ALS2: variants seen among roughly 807,000 people sequenced by gnomAD.
ALS2 encodes alsin.
In ALS2, 117 loss-of-function variants were observed where a neutral mutation model predicts 203.4. The observed-to-expected ratio is 0.58, with a 90% confidence interval of 0.50 to 0.67. The LOEUF (loss-of-function observed/expected upper bound fraction) is 0.67. Among genes scored for constraint, ALS2 ranks in the 30% least tolerant of loss-of-function variants. The probability of loss-of-function intolerance (pLI) is 0.00; values close to 1 mark genes in which losing one functional copy is unlikely to be tolerated. For synonymous variants in ALS2, 718 were observed against 725.9 expected (o/e 0.99, Z 0.17); for missense variants, 1,715 against 1,989.4 (o/e 0.86, Z 2.62).
intron 25 of ALS2, among the ~76,000 whole-genome samples, chr2:201,712,787 T>C (rs1260866015): frequency 6.6e-6 from 1 of 150,472 alleles, no homozygotes; most frequent in African/African-American, 2.4e-5. Context: ...AAAAAGAAAA[T>C]TTTAAAAAGG....
At chr2:201,739,609 G>A (rs759025287) in intron 11 of ALS2, among the ~76,000 whole-genome samples, 3 of 152,106 alleles carry the variant, frequency 2.0e-5, no homozygotes, top group Non-Finnish European at 4.4e-5. Context: ...TGGGCGCGGT[G>A]GCGGATGCCT....
chr2:201,770,120 G>A (rs186414770), intron 1 of ALS2, among the ~76,000 whole-genome samples: 1 of 152,300 alleles, frequency 6.6e-6, no homozygotes, highest in South Asian at 2.1e-4. Context: ...ACAGTTCATG[G>A]TGTACAGAGA....
intron 17 of ALS2, 101 bp from the exon 18 acceptor site, chr2:201,726,967 C>T: frequency 5.5e-6 from 6 of 1,096,916 alleles, no homozygotes; most frequent in Non-Finnish European, 8.1e-6. Context: ...TTATTTGTGT[C>T]CTAATGCTTT....
At chr2:201,770,644 C>T (rs1402441264) in intron 1 of ALS2, among the ~76,000 whole-genome samples, 1 of 152,134 alleles carries the variant, frequency 6.6e-6, no homozygotes. Flanking sequence ...CCTGGTTATC[C>T]AGGTGCACCC....
intron 11 of ALS2, among the ~76,000 whole-genome samples, 180 bp from the exon 12 acceptor site, chr2:201,738,915 G>A (rs1397253421): frequency 6.6e-6 from 1 of 152,152 alleles, no homozygotes; most frequent in African/African-American, 2.4e-5. Context: ...GAGGTAAAGG[G>A]AGTGGTAGGG....
At chr2:201,742,124 G>C (rs756262777) in intron 10 of ALS2, among the ~76,000 whole-genome samples, 2 of 152,148 alleles carry the variant, frequency 1.3e-5, no homozygotes, top group Non-Finnish European at 2.9e-5. Context: ...TGATTTTAAA[G>C]ATGAGCCAAA....
chr2:201,733,129 G>C (rs1691678527), intron 13 of ALS2, 147 bp downstream of exon 13: 7 of 913,012 alleles, frequency 7.7e-6, no homozygotes, highest in Non-Finnish European at 9.9e-6. Context: ...ACTTTCCTCT[G>C]TCATTTCCCT....
At chr2:201,718,511 T>C (rs1488090374) in intron 23 of ALS2, among the ~76,000 whole-genome samples, 2 of 152,148 alleles carry the variant, frequency 1.3e-5, no homozygotes, top group African/African-American at 4.8e-5. Context: ...TCCACCCACC[T>C]TGGCCTCCCA....
intron 23 of ALS2, 95 bp from the exon 24 acceptor site, chr2:201,718,305 G>GCT: frequency 7.2e-7 from 1 of 1,389,362 alleles, no homozygotes; most frequent in Non-Finnish European, 1.0e-6. Context: ...TGTTGCCCAG[G>GCT]CTGGAGTGCA....
chr2:201,760,763 T>A, intron 4 of ALS2, 118 bp downstream of exon 4: 1 of 1,453,274 alleles, frequency 6.9e-7, no homozygotes. Flanking sequence ...AACAAAATTA[T>A]AATCAAACTC....
intron 7 of ALS2, 57 bp from the exon 8 acceptor site, chr2:201,749,846 A>G (rs1692921819): frequency 7.6e-7 from 1 of 1,308,328 alleles, no homozygotes; most frequent in Non-Finnish European, 1.1e-6. Context: ...TTGCACATCA[A>G]CTCTGAACCT....
At chr2:201,712,010 T>TA in intron 25 of ALS2, among the ~76,000 whole-genome samples, 1 of 152,268 alleles carries the variant, frequency 6.6e-6, no homozygotes, top group Middle Eastern at 3.4e-3. Context: ...CTTCTACTGA[T>TA]AGAGTAGAAG....
chr2:201,768,510 G>A (rs1175159544), intron 2 of ALS2, among the ~76,000 whole-genome samples: 2 of 152,068 alleles, frequency 1.3e-5, no homozygotes, highest in Non-Finnish European at 2.9e-5. Context: ...GGTTCTATAG[G>A]AGGAACAGTA....
At chr2:201,707,596 AT>A (rs993994255) in intron 28 of ALS2, among the ~76,000 whole-genome samples, 1 of 151,664 alleles carries the variant, frequency 6.6e-6, no homozygotes, top group African/African-American at 2.4e-5. Flanking sequence ...TGCCCTGCTA[AT>A]TTTTTTTATT....
At position 201,725,341 on chromosome 2, in the gene ALS2, C is replaced by G; in HGVS notation, c.3347+15G>C. On this transcript the variant is annotated intron_variant, in intron 20 of 33. Transcript: ENST00000264276. ...TGAAAAACAAACACCAGTCCAACAG[C>G]CTTTCCAATGTTACCTGTAGACTCC... The G allele has an allele frequency of 1.9e-6, 3 of 1,602,330 alleles. No homozygotes were observed. The highest frequency in any genetic ancestry group is 2.6e-6 in the Non-Finnish European group (3 of 1,169,382).
chr2:201,767,181 A>AT, intron 3 of ALS2, 48 bp downstream of exon 3: 1 of 1,612,734 alleles, frequency 6.2e-7, no homozygotes, highest in Non-Finnish European at 8.5e-7. Context: ...ACACTCAGGC[A>AT]TTTGTTAGCA....
intron 5 of ALS2, among the ~76,000 whole-genome samples, chr2:201,756,319 T>C (rs1374193270): frequency 6.6e-6 from 1 of 151,180 alleles, no homozygotes; most frequent in Non-Finnish European, 1.5e-5. Flanking sequence ...TATATATACA[T>C]ATATATTCAC....
intron 12 of ALS2, chr2:201,738,390 C>G (rs912692794): frequency 4.4e-6 from 2 of 453,318 alleles, no homozygotes; most frequent in African/African-American, 4.0e-5. Flanking sequence ...GAACACTAGG[C>G]CTACTGAGGT....
At position 201,748,261 on chromosome 2, in the gene ALS2, C is replaced by T. The variant is rs567485084; in HGVS notation, c.1815+1451G>A. On this transcript the variant is annotated intron_variant, in intron 8 of 33. Coordinates refer to ENST00000264276, the MANE Select transcript of ALS2 (RefSeq NM_020919.4). ...TTATAGCAGTCTTCTTCTGGCATGA[C>T]ATTATGTTCTCAAATTCAGGCGATC... Among the ~76,000 whole-genome samples the T allele has an allele frequency of 2.0e-5, 3 of 152,192 alleles. No individual in the cohort carries two copies. In the South Asian group the frequency reaches 6.2e-4, roughly 32 times the overall value.
Sources: gnomAD v4.1 joint callset for allele counts (sites outside exome capture counted in the v4.1 genomes callset) on GRCh38, gnomAD v4.1.1 for gene constraint, MANE v1.5 for transcripts, NCBI Gene and HGNC (gene_info 2026-07-23, HGNC 2026-07-21) for gene names.